The following NOD1 variants were observed in gnomAD, a reference collection of about 807,000 sequenced individuals.
NOD1 encodes nucleotide binding oligomerization domain containing 1, also known as nucleotide-binding oligomerization domain-containing protein 1.
NOD1 carries 70 observed loss-of-function variants against 81.2 expected under a neutral mutation model. The ratio of observed to expected loss-of-function variants is 0.86; its 90% CI spans 0.71 to 1.05. NOD1 has a LOEUF of 1.05. Ranked by LOEUF, NOD1 falls within the 50% of genes least tolerant of loss-of-function variation. NOD1 has a pLI of 0.00. For missense variants in NOD1, 1,233 were observed against 1,228.0 expected, an observed-to-expected ratio of 1.00 and a Z score of -0.06; for synonymous variants, 508 against 526.9, an observed-to-expected ratio of 0.96 and a Z score of 0.49.
At chr7:30,449,339 T>C (rs1314527513) in intron 6 of NOD1, among the ~76,000 whole-genome samples, 1 of 152,242 alleles carries the variant, frequency 6.6e-6, no homozygotes, top group Non-Finnish European at 1.5e-5. Flanking sequence ...CCAATATCTA[T>C]ACTTTCTTAG....
In NOD1 at chr7:30,447,044, G is replaced by C. The variant is rs1398078752; in HGVS notation, c.2292C>G (p.Tyr764Ter). 1.2e-6 allele frequency: 2 copies of C among 1,613,864 alleles called. No individual in the cohort carries two copies. Among genetic ancestry groups the C allele is most frequent in the East Asian group, 4.5e-5 (2 of 44,898 alleles). ...KYKIVTYLGLYNNQITDVGAR... is the reference protein window; with the variant it reads ...KYKIVTYLGL ...CTCCGACATCGGTGATCTGGTTGTT[G>C]TATAAACTTCAAGAGAAAGCACAGC... The change falls in exon 8 of 14, where the codon TAC (tyrosine) becomes TAG (stop). Residue 764 changes from tyrosine (Y) to a stop codon, truncating the protein, a stop_gained. Coordinates refer to ENST00000222823, the MANE Select transcript of NOD1 (RefSeq NM_006092.4). LOFTEE classifies it high-confidence loss of function.
chr7:30,436,997 G>A (rs1395586898), intron 10 of NOD1, among the ~76,000 whole-genome samples: 1 of 152,120 alleles, frequency 6.6e-6, no homozygotes, highest in African/African-American at 2.4e-5. Flanking sequence ...GTGATAGACT[G>A]GATAAAGAAA....
intron 1 of NOD1, among the ~76,000 whole-genome samples, chr7:30,465,551 C>T (rs561744435): frequency 1.3e-5 from 2 of 152,252 alleles, no homozygotes; most frequent in Non-Finnish European, 2.9e-5. Context: ...CTGATGGGGC[C>T]AGATTGAGAA....
intron 6 of NOD1, 65 bp from the exon 7 acceptor site, chr7:30,448,446 T>G: frequency 1.5e-6 from 2 of 1,349,230 alleles, no homozygotes; most frequent in Non-Finnish European, 1.1e-6. Context: ...ACCATTAATC[T>G]TACAAAGATC....
chr7:30,455,030 C>G, intron 5 of NOD1, 107 bp downstream of exon 5: 1 of 1,093,864 alleles, frequency 9.1e-7, no homozygotes, highest in African/African-American at 1.6e-5. Flanking sequence ...AAAATAGCAC[C>G]TGGGCCTGCT....
intron 1 of NOD1, among the ~76,000 whole-genome samples, chr7:30,461,509 T>C (rs1335833334): frequency 1.3e-5 from 2 of 152,108 alleles, no homozygotes; most frequent in African/African-American, 2.4e-5. Flanking sequence ...TGAGATAGTT[T>C]ACATTCTTTT....
intron 1 of NOD1, among the ~76,000 whole-genome samples, chr7:30,461,620 G>C (rs2128084919): frequency 6.6e-6 from 1 of 152,360 alleles, no homozygotes; most frequent in African/African-American, 2.4e-5. Flanking sequence ...GCGGCCAGGG[G>C]CTACTCAAGT....
chr7:30,474,769 G>T (rs926515472), intron 1 of NOD1, among the ~76,000 whole-genome samples: 2 of 152,194 alleles, frequency 1.3e-5, no homozygotes, highest in Non-Finnish European at 2.9e-5. Flanking sequence ...AATAAAACAG[G>T]AATTGGATCC....
chr7:30,458,159 C>T (rs896683980), intron 3 of NOD1, among the ~76,000 whole-genome samples: 3 of 152,262 alleles, frequency 2.0e-5, no homozygotes, highest in Middle Eastern at 3.4e-3. Flanking sequence ...TTGGGTTCAT[C>T]TGAGTTATCC....
At position 30,467,757 on chromosome 7, in the gene NOD1, G is replaced by A. The variant is rs1213589165; in HGVS notation, c.-351-7716C>T. Among the ~76,000 whole-genome samples the A allele has an allele frequency of 1.3e-5, 2 of 152,196 alleles. No individual in the cohort carries two copies. The highest frequency in any genetic ancestry group is 4.8e-5 in the African/African-American group (2 of 41,530). ...ACTCTTGTCACCCAGGCTGGAGTGC[G>A]ATGGCGTGATCTTGGCTCACTGCAA... On this transcript the variant is annotated intron_variant, in intron 1 of 13. Coordinates refer to ENST00000222823, the MANE Select transcript of NOD1 (RefSeq NM_006092.4). This position sits in a 1 kb window ranked among gnomAD's most constrained non-coding sequence, Gnocchi z 4.5.
At chr7:30,457,541 A>G (rs1786509924) in intron 3 of NOD1, among the ~76,000 whole-genome samples, 1 of 152,228 alleles carries the variant, frequency 6.6e-6, no homozygotes, top group African/African-American at 2.4e-5. Context: ...GTAGGTGACC[A>G]GAGATAGCCA....
At chr7:30,461,687 C>A (rs1787098086) in intron 1 of NOD1, among the ~76,000 whole-genome samples, 1 of 152,188 alleles carries the variant, frequency 6.6e-6, no homozygotes, top group Non-Finnish European at 1.5e-5. Context: ...CATCAGAGTT[C>A]CTGCCTGCTG....
At position 30,425,430 on chromosome 7, in the gene NOD1, T is replaced by A; in HGVS notation, c.*208A>T. 1.7e-6 allele frequency: 1 copy of A among 597,206 alleles called. No individual in the cohort carries two copies. Among genetic ancestry groups the A allele is most frequent in the Non-Finnish European group, 3.0e-6 (1 of 333,640 alleles). 37.0% of individuals were successfully genotyped at this position (597,206 alleles called of 1,614,324 possible). A position where few individuals can be genotyped will look rare whatever the true frequency, so the allele number is the denominator to read the frequency against. On this transcript the variant is annotated 3_prime_UTR_variant, in exon 14 of 14. Coordinates refer to ENST00000222823, the MANE Select transcript of NOD1 (RefSeq NM_006092.4). ...AACTACAACAGCTCGCAAGACACATTCTTTTTCTGCAGAATTGTAGCGGGT... is the reference window on the plus strand; with the variant it reads ...AACTACAACAGCTCGCAAGACACATACTTTTTCTGCAGAATTGTAGCGGGT...
In NOD1 at chr7:30,451,626, G is replaced by C; in HGVS notation, c.1791C>G (p.Ser597=). ...GCCGCAGGAGTTTCTGTTTGGCTTT[G>C]GACAACAGCCCGCACAGGAAGAGGT... ...FTNLFLCGLL[S]KAKQKLLRHL... is the part of the protein sequence containing the mutation. The change falls in exon 6 of 14, where the codon TCC becomes TCG. Residue 597 remains serine, a synonymous_variant. Coordinates refer to ENST00000222823, the MANE Select transcript of NOD1 (RefSeq NM_006092.4). This position sits in a 1 kb window ranked among gnomAD's most constrained non-coding sequence, Gnocchi z 4.2. The C allele has an allele frequency of 6.2e-7, 1 of 1,613,936 alleles. No individual in the cohort carries two copies. Among genetic ancestry groups the C allele is most frequent in the Non-Finnish European group, 8.5e-7 (1 of 1,180,038 alleles).
rs749227544 is a variant in NOD1, at chr7:30,451,845, A to G, written c.1572T>C (p.Phe524=). The change falls in exon 6 of 14, where the codon TTT becomes TTC. Residue 524 remains phenylalanine (F), a synonymous_variant. Coordinates refer to ENST00000222823, the MANE Select transcript of NOD1 (RefSeq NM_006092.4). This position sits in a 1 kb window ranked among gnomAD's most constrained non-coding sequence, Gnocchi z 4.2. ...CGTCCAGCACGAGGAAGAAGGCTGT[A>G]AAGAAGGCCTGGAGGGTGAGGTGGA... ...EFFHLTLQAF[F]TAFFLVLDDR... is the part of the protein sequence containing the mutation. The G allele has an allele frequency of 8.1e-6, 13 of 1,613,734 alleles. No homozygotes were observed. In the South Asian group the frequency reaches 1.4e-4, roughly 18 times the overall value.
Position 30,467,456 on chromosome 7 carries a change from C to T in NOD1, c.-351-7415G>A, listed in dbSNP as rs1003909670. Among the ~76,000 whole-genome samples the T allele has an allele frequency of 1.1e-4, 16 of 152,174 alleles. No homozygotes were observed. Among genetic ancestry groups the T allele is most frequent in the African/African-American group, 2.9e-4 (12 of 41,520 alleles). ...AGGCAGGCCAGCACAACATTCTCAG[C>T]GACTGCCTTGTTTTGAGGAACTATG... On this transcript the variant is annotated intron_variant, in intron 1 of 13. Coordinates refer to ENST00000222823, the MANE Select transcript of NOD1 (RefSeq NM_006092.4). The surrounding 1 kb of genome is among the most constrained non-coding windows in gnomAD (Gnocchi z 4.5).
intron 4 of NOD1, among the ~76,000 whole-genome samples, chr7:30,456,357 C>G (rs190450567): frequency 1.5e-3 from 231 of 152,280 alleles, no homozygotes; most frequent in Middle Eastern, 0.014. Flanking sequence ...CCGAGTCTCA[C>G]CCAGCAACAA....
At chr7:30,474,789 C>T (rs1788612647) in intron 1 of NOD1, among the ~76,000 whole-genome samples, 1 of 152,248 alleles carries the variant, frequency 6.6e-6, no homozygotes, top group Admixed American at 6.5e-5. Context: ...CTGGTTCTGA[C>T]TCCAAAACCC....
At chr7:30,459,398 G>A (rs1012576840) in intron 2 of NOD1, among the ~76,000 whole-genome samples, 158 bp from the exon 3 acceptor site, 2 of 152,034 alleles carry the variant, frequency 1.3e-5, no homozygotes, top group Non-Finnish European at 2.9e-5. Flanking sequence ...AATGTTCAAC[G>A]TCCCCACCAT....
Sources: gnomAD v4.1 joint callset for allele counts (sites outside exome capture counted in the v4.1 genomes callset) on GRCh38, gnomAD v4.1.1 for gene constraint, Gnocchi (gnomAD v3.1) non-coding constraint, MANE v1.5 for transcripts, NCBI Gene and HGNC (gene_info 2026-07-23, HGNC 2026-07-21) for gene names.